The following ATL1 variants were observed in gnomAD, a reference collection of about 807,000 sequenced individuals.
The protein encoded by ATL1 is atlastin-1.
Under a neutral mutation model 75.5 loss-of-function variants are expected in ATL1, and 31 were observed. That is an observed-to-expected ratio of 0.41 (90% confidence interval 0.31 to 0.55). ATL1 has a LOEUF of 0.55. Among genes scored for constraint, ATL1 ranks in the 20% least tolerant of loss-of-function variants. The pLI, the probability that ATL1 is intolerant of heterozygous loss-of-function variation, is 0.27. For missense variants in ATL1, 405 were observed against 662.6 expected (o/e 0.61, Z 4.27); for synonymous variants, 226 against 233.3 (o/e 0.97, Z 0.28).
chr14:50,583,121 T>A (rs752279095), intron 1 of ATL1, among the ~76,000 whole-genome samples: 1 of 152,142 alleles, frequency 6.6e-6, no homozygotes, highest in Non-Finnish European at 1.5e-5. Context: ...GTAACCCCAA[T>A]AGGCAAATAT....
Position 50,620,767 on chromosome 14 carries a change from A to G in ATL1, c.990+41A>G, listed in dbSNP as rs375898706. The G allele has an allele frequency of 1.8e-5, 29 of 1,608,766 alleles. No homozygotes were observed. The South Asian group carries it at 2.1e-4, about 12-fold the overall frequency. On this transcript the variant is annotated intron_variant, in intron 9 of 13. Coordinates refer to ENST00000358385, the MANE Select transcript of ATL1 (RefSeq NM_015915.5). ...CTAGAGCATTCGTGGGATAGATTTG[A>G]CATATATTGGATCGTAATTCCTATA...
chr14:50,574,920 TG>T (rs2038986950), intron 1 of ATL1, among the ~76,000 whole-genome samples: 1 of 93,844 alleles, frequency 1.1e-5, no homozygotes, highest in Admixed American at 1.2e-4. Flanking sequence ...TGTGTGTGTG[TG>T]TGTGTGTGTG....
At position 50,593,910 on chromosome 14, in the gene ATL1, T is replaced by C; in HGVS notation, c.573+14T>C. ...CAGCACCTCCAGGTAACAATATTTATTTTCTTTTTTGTGTATCTGGTAGTC... is the reference window on the plus strand; with the variant it reads ...CAGCACCTCCAGGTAACAATATTTACTTTCTTTTTTGTGTATCTGGTAGTC... On this transcript the variant is annotated intron_variant, in intron 5 of 13. Coordinates refer to ENST00000358385, the MANE Select transcript of ATL1 (RefSeq NM_015915.5). 3 of 1,597,590 alleles carry C rather than the reference T, an allele frequency of 1.9e-6. No individual in the cohort carries two copies. The highest frequency in any genetic ancestry group is 2.6e-6 in the Non-Finnish European group (3 of 1,166,344).
intron 6 of ATL1, among the ~76,000 whole-genome samples, chr14:50,597,227 A>AAAAG (rs1555364379): frequency 6.6e-6 from 1 of 150,386 alleles, no homozygotes; most frequent in Non-Finnish European, 1.5e-5. Flanking sequence ...AAACAAAAAA[A>AAAAG]AAAAAAGAAA....
In ATL1 at chr14:50,632,299, A is replaced by G; in HGVS notation, c.1637A>G (p.Lys546Arg). 14 of 1,613,588 alleles carry G rather than the reference A, an allele frequency of 8.7e-6. No homozygotes were observed. Among genetic ancestry groups the G allele is most frequent in the Non-Finnish European group, 1.2e-5 (14 of 1,179,610 alleles). ...HLYHQAFPTP[K>R]SESTEQSEKK... ...TATCATCAAGCTTTCCCTACACCAA[A>G]GTCGGAATCTACTGAACAATCAGAA... Residue 546 changes from lysine to arginine, a missense_variant, in exon 14 of 14, where the codon AAG (lysine) becomes AGG (arginine). Physicochemically the swap from Lys to Arg is conservative, Grantham distance 26. Transcript: ENST00000358385.
rs574172313 is a variant in ATL1, at chr14:50,594,869, C to G, written c.574-707C>G. Among the ~76,000 whole-genome samples, 25 of 151,980 alleles carry G rather than the reference C, an allele frequency of 1.6e-4. No homozygotes were observed. The Middle Eastern group carries it at 0.014, about 83-fold the overall frequency. ...AATTAGCCAGGCAGGCGTGGTGGCGCATGCCTGTGGTCCCAGCTATTCAGT... is the reference window on the plus strand; with the variant it reads ...AATTAGCCAGGCAGGCGTGGTGGCGGATGCCTGTGGTCCCAGCTATTCAGT... On this transcript the variant is annotated intron_variant, in intron 5 of 13. Coordinates refer to ENST00000358385, the MANE Select transcript of ATL1 (RefSeq NM_015915.5).
intron 1 of ATL1, among the ~76,000 whole-genome samples, chr14:50,573,052 C>T (rs2038968695): frequency 6.6e-6 from 1 of 152,252 alleles, no homozygotes; most frequent in Non-Finnish European, 1.5e-5. Context: ...TGAGAACTCA[C>T]TCACTATCAT....
chr14:50,577,889 C>T (rs981557728), intron 1 of ATL1, among the ~76,000 whole-genome samples: 1 of 152,084 alleles, frequency 6.6e-6, no homozygotes, highest in African/African-American at 2.4e-5. Context: ...CACATTTTAT[C>T]TGTCCATTTA....
chr14:50,534,255 A>G (rs1215396388), intron 1 of ATL1, among the ~76,000 whole-genome samples: 2 of 152,224 alleles, frequency 1.3e-5, no homozygotes, highest in African/African-American at 4.8e-5. Context: ...ATAAAACAAG[A>G]TAAAAATAAG....
intron 1 of ATL1, among the ~76,000 whole-genome samples, chr14:50,543,459 G>A (rs144336092): frequency 5.3e-4 from 81 of 152,288 alleles, no homozygotes; most frequent in African/African-American, 1.8e-3. Context: ...CAATTCATGG[G>A]CTTATGGAAT....
At chr14:50,593,609 C>T (rs372619288) in intron 4 of ATL1, among the ~76,000 whole-genome samples, 48 of 152,096 alleles carry the variant, frequency 3.2e-4, no homozygotes, top group African/African-American at 1.0e-3. Context: ...TTTAATATTC[C>T]ATCTCCAGAG....
chr14:50,602,644 A>G (rs1207770667), intron 6 of ATL1, among the ~76,000 whole-genome samples: 1 of 151,926 alleles, frequency 6.6e-6, no homozygotes. Context: ...ATCTACAGCA[A>G]ATTTAAATAG....
At chr14:50,607,838 T>C (rs2039329337) in intron 6 of ATL1, among the ~76,000 whole-genome samples, 1 of 152,126 alleles carries the variant, frequency 6.6e-6, no homozygotes, top group African/African-American at 2.4e-5. Flanking sequence ...TGTGTTGATA[T>C]ATTCTACATA....
intron 6 of ATL1, among the ~76,000 whole-genome samples, chr14:50,597,296 C>G (rs1216631291): frequency 6.7e-6 from 1 of 149,876 alleles, no homozygotes; most frequent in Non-Finnish European, 1.5e-5. Flanking sequence ...TTTATAAAAG[C>G]TATATGTCTC....
At chr14:50,543,774 A>G (rs1373290044) in intron 1 of ATL1, among the ~76,000 whole-genome samples, 4 of 152,170 alleles carry the variant, frequency 2.6e-5, no homozygotes, top group Admixed American at 6.5e-5. Context: ...TGGCTCTTCT[A>G]TTATTCCTAA....
rs901469140 is a variant in ATL1 at position 50,614,605 on chromosome 14, T to C, written c.862+94T>C. 2.4e-4 allele frequency: 320 copies of C among 1,349,006 alleles called. 1 individual carries two copies. Among genetic ancestry groups the C allele is most frequent in the Admixed American group, 1.0e-3 (53 of 52,188 alleles). 83.6% of individuals were successfully genotyped at this position (1,349,006 alleles called of 1,614,324 possible). ...GGCTTATGGCTGATAGTTTAGTTTATCCACTGATAGGAGGCTGATGATTAG... is the reference window on the plus strand; with the variant it reads ...GGCTTATGGCTGATAGTTTAGTTTACCCACTGATAGGAGGCTGATGATTAG... On this transcript the variant is annotated intron_variant, in intron 8 of 13. Transcript: ENST00000358385.
At chr14:50,594,087 A>T (rs1331707545) in intron 5 of ATL1, among the ~76,000 whole-genome samples, 191 bp downstream of exon 5, 1 of 152,200 alleles carries the variant, frequency 6.6e-6, no homozygotes, top group Non-Finnish European at 1.5e-5. Context: ...GGTTTAATTG[A>T]CTCACAGTTC....
intron 8 of ATL1, among the ~76,000 whole-genome samples, chr14:50,616,412 T>A (rs1480357391): frequency 6.6e-6 from 1 of 152,164 alleles, no homozygotes; most frequent in East Asian, 1.9e-4. Flanking sequence ...TCCTCCTGCT[T>A]CAGCCTCCCA....
intron 10 of ATL1, among the ~76,000 whole-genome samples, chr14:50,622,671 A>C (rs746809288): frequency 2.6e-5 from 4 of 152,164 alleles, no homozygotes; most frequent in Non-Finnish European, 5.9e-5. Flanking sequence ...GTCTCAAAAA[A>C]AAATAAGAAT....
Sources: gnomAD v4.1 joint callset for allele counts (sites outside exome capture counted in the v4.1 genomes callset) on GRCh38, gnomAD v4.1.1 for gene constraint, MANE v1.5 for transcripts, NCBI Gene and HGNC (gene_info 2026-07-23, HGNC 2026-07-21) for gene names.